Variants in ANKRD12 observed in about 807,000 individuals in gnomAD.
ANKRD12 encodes ankyrin repeat domain-containing protein 12.
Under a neutral mutation model 183.4 loss-of-function variants are expected in ANKRD12, and 85 were observed. The observed-to-expected ratio is 0.46, with a 90% CI of 0.39 to 0.56. ANKRD12 has a LOEUF of 0.56. ANKRD12 is among the 20% of genes least tolerant of loss of function. The pLI is 0.00. For synonymous variants in ANKRD12, 914 were observed against 800.2 expected (o/e 1.14, Z -2.40); for missense variants, 2,405 against 2,357.1 (o/e 1.02, Z -0.42).
chr18:9,197,294 A>G (rs2034890895), intron 3 of ANKRD12, among the ~76,000 whole-genome samples: 1 of 152,300 alleles, frequency 6.6e-6, no homozygotes, highest in African/African-American at 2.4e-5. Context: ...GATTTTTTCT[A>G]CCGTTGGACT....
chr18:9,216,970 T>A (rs906573155), intron 7 of ANKRD12, 70 bp downstream of exon 7: 2 of 1,419,942 alleles, frequency 1.4e-6, no homozygotes, highest in African/African-American at 2.9e-5. Context: ...GTAATTTCAT[T>A]CACTTCTTAG....
At chr18:9,275,467 T>C in intron 10 of ANKRD12, 57 bp from the exon 11 acceptor site, 1 of 1,546,450 alleles carries the variant, frequency 6.5e-7, no homozygotes, top group African/African-American at 1.4e-5. Flanking sequence ...AGTAAGACTG[T>C]TCTTAAACAA....
At chr18:9,262,381 TC>T (rs2039021054) in intron 9 of ANKRD12, among the ~76,000 whole-genome samples, 1 of 152,194 alleles carries the variant, frequency 6.6e-6, no homozygotes, top group South Asian at 2.1e-4. Context: ...ATACAAATTC[TC>T]CAAGGGGTAG....
intron 10 of ANKRD12, among the ~76,000 whole-genome samples, chr18:9,270,072 C>T (rs1331878364): frequency 6.6e-6 from 1 of 152,212 alleles, no homozygotes; most frequent in Non-Finnish European, 1.5e-5. Context: ...GATACCATCT[C>T]ACACCAGTTA....
rs747688425 is a variant in ANKRD12 at position 9,258,313 on chromosome 18, A to G, written c.5046A>G (p.Ile1682Met). 2.9e-5 allele frequency: 47 copies of G among 1,613,698 alleles called. No individual in the cohort carries two copies. Among genetic ancestry groups the G allele is most frequent in the Non-Finnish European group, 4.0e-5 (47 of 1,179,954 alleles). Residue 1682 changes from isoleucine to methionine, a missense_variant, in exon 9 of 13, where the codon ATA becomes ATG. Coordinates refer to ENST00000262126, the MANE Select transcript of ANKRD12 (RefSeq NM_015208.5). The stretch of plus-strand genomic sequence containing the variant: ...AAAGTGAAAAGTGTTTGCTTTCCAT[A>G]GAAGATGAGGAATCTCAACAAAGCA... Reference protein sequence around the residue: ...CPESEKCLLSIEDEESQQSIL... With the variant: ...CPESEKCLLSMEDEESQQSIL...
intron 10 of ANKRD12, among the ~76,000 whole-genome samples, chr18:9,269,402 G>T (rs1187173606): frequency 6.6e-6 from 1 of 152,122 alleles, no homozygotes; most frequent in African/African-American, 2.4e-5. Context: ...AAACAGCATG[G>T]TACTGGTACC....
chr18:9,285,275 AC>A lies in ANKRD12; in HGVS notation c.*4150del, dbSNP rs1317712682. The A allele has an allele frequency of 1.3e-5, 2 of 151,626 alleles. 1 individual carries two copies. Among genetic ancestry groups the A allele is most frequent in the East Asian group, 3.9e-4 (2 of 5,192 alleles). The allele number at this position is 151,626 out of a possible 1,614,324, so 9.4% of individuals were successfully genotyped here. On this transcript the variant is annotated 3_prime_UTR_variant, in exon 13 of 13. Coordinates refer to ENST00000262126, the MANE Select transcript of ANKRD12 (RefSeq NM_015208.5). ...GTGAAACCCTTTCTCTACTAAAAAT[AC>A]AAAAATTAGCCAAGCGTGACGGTGC...
At chr18:9,252,851 T>C (rs2145148502) in intron 8 of ANKRD12, among the ~76,000 whole-genome samples, 1 of 152,326 alleles carries the variant, frequency 6.6e-6, no homozygotes, top group Admixed American at 6.5e-5. Flanking sequence ...GTTTATATAA[T>C]TAAATCCTTT....
At chr18:9,269,068 G>GT (rs1190746743) in intron 10 of ANKRD12, among the ~76,000 whole-genome samples, 3 of 152,166 alleles carry the variant, frequency 2.0e-5, no homozygotes, top group African/African-American at 7.2e-5. Flanking sequence ...TACAAGGGAT[G>GT]TGAAGGACCT....
chr18:9,237,296 T>C (rs887730565), intron 8 of ANKRD12, among the ~76,000 whole-genome samples: 2 of 152,090 alleles, frequency 1.3e-5, no homozygotes, highest in Non-Finnish European at 2.9e-5. Flanking sequence ...TGAATGGAGG[T>C]GTGAATTGGT....
intron 7 of ANKRD12, 93 bp downstream of exon 7, chr18:9,216,993 T>G: frequency 8.4e-7 from 1 of 1,189,118 alleles, no homozygotes; most frequent in South Asian, 1.4e-5. Context: ...ATATGATCTG[T>G]GTCATATTCC....
intron 1 of ANKRD12, among the ~76,000 whole-genome samples, chr18:9,151,887 T>C (rs2078697233): frequency 6.6e-6 from 1 of 152,216 alleles, no homozygotes; most frequent in African/African-American, 2.4e-5. Context: ...AGCCTTTTTA[T>C]TGAACTTTAT....
chr18:9,272,422 C>T (rs1362326483), intron 10 of ANKRD12, among the ~76,000 whole-genome samples: 2 of 151,974 alleles, frequency 1.3e-5, no homozygotes, highest in Non-Finnish European at 2.9e-5. Context: ...ATTAGCCAGG[C>T]TTGGTGGTGG....
At position 9,257,758 on chromosome 18, in the gene ANKRD12, A is replaced by G. The variant is rs374950807; in HGVS notation, c.4491A>G (p.Gln1497=). Residue 1497 remains glutamine (Q), a synonymous_variant, in exon 9 of 13, where the codon CAA becomes CAG. Transcript: ENST00000262126. ...AGCAGCCTTGCTCTTTCCCCAGCCA[A>G]TCACTTTCAGATGCTGAATCGATTT... The part of the protein sequence containing the change: ...PPQQPCSFPS[Q]SLSDAESISK... The G allele has an allele frequency of 1.2e-5, 20 of 1,613,914 alleles. No homozygotes were observed. In the African/African-American group the frequency reaches 2.1e-4, roughly 17 times the overall value.
chr18:9,138,347 C>G (rs894447262), intron 1 of ANKRD12, among the ~76,000 whole-genome samples: 6 of 152,092 alleles, frequency 3.9e-5, no homozygotes, highest in East Asian at 1.9e-4. Context: ...ACCCCCGTCT[C>G]TACTAAATAT....
Position 9,183,274 on chromosome 18 carries a change from G to C in ANKRD12, c.87+755G>C, listed in dbSNP as rs2033829017. ...GATCAGCTTGTCAGTTTCTACAAAAGTACCTGCTAGGATTTTGAGGGAATT... is the reference window on the plus strand; with the variant it reads ...GATCAGCTTGTCAGTTTCTACAAAACTACCTGCTAGGATTTTGAGGGAATT... On this transcript the variant is annotated intron_variant, in intron 2 of 12. Transcript: ENST00000262126. Among the ~76,000 whole-genome samples the C allele has an allele frequency of 2.0e-5, 3 of 152,152 alleles. No individual in the cohort carries two copies. The South Asian group carries it at 6.2e-4, about 31-fold the overall frequency.
chr18:9,182,451 A>C lies in ANKRD12; in HGVS notation c.19A>C (p.Thr7Pro). MPKSGF[T>P]KPIQSENSDS... ...CTGTAAAATGCCCAAATCTGGGTTCACAAAACCAATTCAGAGTGAAAATTC... is the reference window on the plus strand; with the variant it reads ...CTGTAAAATGCCCAAATCTGGGTTCCCAAAACCAATTCAGAGTGAAAATTC... The change falls in exon 2 of 13, where the codon ACA becomes CCA. Residue 7 changes from threonine to proline, a missense_variant. This residue lies in a region of ANKRD12 where 145 missense variants were observed against 145.6 expected (regional missense o/e 1.00). Coordinates refer to ENST00000262126, the MANE Select transcript of ANKRD12 (RefSeq NM_015208.5). 1.2e-6 allele frequency: 2 copies of C among 1,611,622 alleles called. No homozygotes were observed. The highest frequency in any genetic ancestry group is 8.5e-7 in the Non-Finnish European group (1 of 1,178,772).
intron 1 of ANKRD12, among the ~76,000 whole-genome samples, chr18:9,166,737 C>T (rs1168730245): frequency 6.6e-6 from 1 of 152,098 alleles, no homozygotes; most frequent in African/African-American, 2.4e-5. Context: ...TCCCATTTGT[C>T]AATTTTGGCT....
chr18:9,145,786 G>A (rs1228778892), intron 1 of ANKRD12, among the ~76,000 whole-genome samples: 1 of 152,178 alleles, frequency 6.6e-6, no homozygotes, highest in Non-Finnish European at 1.5e-5. Flanking sequence ...CATTTTCTTA[G>A]AAAGTAATTC....
Sources: gnomAD v4.1 joint callset for allele counts (sites outside exome capture counted in the v4.1 genomes callset) on GRCh38, gnomAD v4.1.1 for gene constraint, gnomAD v4.1.1 regional missense constraint, MANE v1.5 for transcripts, NCBI Gene and HGNC (gene_info 2026-07-23, HGNC 2026-07-21) for gene names.